APOBEC3D: variants seen among roughly 807,000 people sequenced by gnomAD.
APOBEC3D encodes apolipoprotein B mRNA editing enzyme catalytic subunit 3D.
APOBEC3D carries 37 observed loss-of-function variants against 45.6 expected under a neutral mutation model. The ratio of observed to expected loss-of-function variants is 0.81; its 90% CI spans 0.62 to 1.07. The LOEUF (loss-of-function observed/expected upper bound fraction) is 1.07. APOBEC3D is among the 50% of genes least tolerant of loss of function. The pLI, the probability that APOBEC3D is intolerant of heterozygous loss-of-function variation, is 0.00. For missense variants in APOBEC3D, 496 were observed against 495.3 expected (o/e 1.00, Z -0.01); for synonymous variants, 175 against 180.7 (o/e 0.97, Z 0.25).
At chr22:39,029,601 C>A in intron 5 of APOBEC3D, 82 bp downstream of exon 5, 1 of 1,528,436 alleles carries the variant, frequency 6.5e-7, no homozygotes, top group Non-Finnish European at 9.0e-7. Flanking sequence ...ACGTGCCCCG[C>A]GTGGGCTCTG....
Position 39,032,756 on chromosome 22 carries a change from CTAAT to C in APOBEC3D, c.*442_*445del, listed in dbSNP as rs1195736758. The C allele has an allele frequency of 5.7e-3, 1,076 of 187,444 alleles. 39 individuals are homozygous for C. The highest frequency in any genetic ancestry group is 0.03 in the African/African-American group (1,024 of 33,776). 11.6% of individuals were successfully genotyped at this position (187,444 alleles called of 1,614,324 possible). On this transcript the variant is annotated 3_prime_UTR_variant, in exon 7 of 7. Transcript: ENST00000216099. ...TACAGATGCCTGCCACCACGCCCAG[CTAAT>C]TTTTTTTTTTTTTTTTTTTTTTTTT...
intron 5 of APOBEC3D, among the ~76,000 whole-genome samples, chr22:39,030,635 A>C (rs1273854600): frequency 6.6e-6 from 1 of 151,974 alleles, no homozygotes; most frequent in Non-Finnish European, 1.5e-5. Context: ...TCAGAGCCCC[A>C]TTTCAAGTGC....
chr22:39,028,342 A>G (rs1925883225), intron 4 of APOBEC3D, among the ~76,000 whole-genome samples: 1 of 152,242 alleles, frequency 6.6e-6, no homozygotes, highest in Non-Finnish European at 1.5e-5. Context: ...GAGGCTGGAC[A>G]GGGCTGGCCT....
Position 39,025,309 on chromosome 22 carries a change from G to A in APOBEC3D, c.450G>A (p.Leu150=). Reference sequence around the variant, plus strand: ...ATTGGCGGTGGGTGCTCCTCAGGCTGCATAAGGCAGGGGCCCGTGTGAAGA... The same window carrying A: ...ATTGGCGGTGGGTGCTCCTCAGGCTACATAAGGCAGGGGCCCGTGTGAAGA... The part of the protein sequence containing the change: ...DRDWRWVLLR[L]HKAGARVKIM... Residue 150 remains leucine, a synonymous_variant, in exon 3 of 7, where the codon CTG becomes CTA. Transcript: ENST00000216099. 6.2e-7 allele frequency: 1 copy of A among 1,614,132 alleles called. No homozygotes were observed. Among genetic ancestry groups the A allele is most frequent in the Non-Finnish European group, 8.5e-7 (1 of 1,180,028 alleles).
Position 39,032,602 on chromosome 22 carries a change from T to A in APOBEC3D, c.*286T>A. The stretch of plus-strand genomic sequence containing the variant: ...GCATAACCAAATCTTTTTTTTTTTT[T>A]TTTTTTTTTGAGACGGAGTTTCACT... On this transcript the variant is annotated 3_prime_UTR_variant, in exon 7 of 7. Coordinates refer to ENST00000216099, the MANE Select transcript of APOBEC3D (RefSeq NM_152426.4). 9.0e-7 allele frequency: 1 copy of A among 1,113,414 alleles called. No individual in the cohort carries two copies. The highest frequency in any genetic ancestry group is 1.1e-6 in the Non-Finnish European group (1 of 911,852). The allele number at this position is 1,113,414 out of a possible 1,614,324, so 69.0% of individuals were successfully genotyped here. A position where few individuals can be genotyped will look rare whatever the true frequency, so the allele number is the denominator to read the frequency against.
rs981927089 is a variant in APOBEC3D, at chr22:39,033,141, G to A, written c.*825G>A. On this transcript the variant is annotated 3_prime_UTR_variant, in exon 7 of 7. Coordinates refer to ENST00000216099, the MANE Select transcript of APOBEC3D (RefSeq NM_152426.4). ...ATGAAGTGGGAGGACTGCTTGAGCC[G>A]GGGAGGTGGAGGCTGGAGTAAACTG... The A allele has an allele frequency of 4.1e-5, 16 of 388,652 alleles. No homozygotes were observed. The highest frequency in any genetic ancestry group is 1.6e-4 in the East Asian group (1 of 6,140). 24.1% of individuals were successfully genotyped at this position (388,652 alleles called of 1,614,324 possible).
Position 39,025,065 on chromosome 22 carries a change from C to T in APOBEC3D, c.211-5C>T, listed in dbSNP as rs1460570018. 3 of 1,386,722 alleles carry T rather than the reference C, an allele frequency of 2.2e-6. No individual in the cohort carries two copies. The Admixed American group carries it at 5.8e-5, about 27-fold the overall frequency. 85.9% of individuals were successfully genotyped at this position (1,386,722 alleles called of 1,614,324 possible). Reference sequence around the variant, plus strand: ...GAGCTTCCCCTGCCCCTGCTCCTCTCCCAGGTGTATTTCCGGTTTGAGAAC... The same window carrying T: ...GAGCTTCCCCTGCCCCTGCTCCTCTTCCAGGTGTATTTCCGGTTTGAGAAC... On this transcript the variant is annotated splice_polypyrimidine_tract_variant and splice_region_variant and intron_variant, in intron 2 of 6. Transcript: ENST00000216099.
intron 2 of APOBEC3D, 90 bp downstream of exon 2, chr22:39,023,104 T>TATTTATTTATTTATTTATTTA: frequency 1.6e-6 from 1 of 645,034 alleles, no homozygotes; most frequent in Non-Finnish European, 2.0e-6. Flanking sequence ...TTATTTATTT[T>TATTTATTTATTTATTTATTTA]TTCTATTTAT....
Position 39,030,471 on chromosome 22 carries a change from A to C in APOBEC3D, c.762+952A>C, listed in dbSNP as rs182360313. ...CTAAAAAGGCGATAAGAACTCGTGG[A>C]AGAAATTTTAGTGTCTGCATTAGCT... On this transcript the variant is annotated intron_variant, in intron 5 of 6. Transcript: ENST00000216099. Among the ~76,000 whole-genome samples the C allele has an allele frequency of 3.0e-3, 452 of 152,352 alleles. 10 individuals carry two copies. Among genetic ancestry groups the C allele is most frequent in the Non-Finnish European group, 9.4e-4 (64 of 68,040 alleles).
chr22:39,021,664 C>A, intron 1 of APOBEC3D, 128 bp downstream of exon 1: 1 of 1,315,256 alleles, frequency 7.6e-7, no homozygotes, highest in Non-Finnish European at 1.1e-6. Context: ...GGCTTCCCTG[C>A]CGCCCCCACT....
chr22:39,032,487 C>T lies in APOBEC3D; in HGVS notation c.*171C>T. The T allele has an allele frequency of 4.9e-6, 7 of 1,421,304 alleles. No homozygotes were observed. The highest frequency in any genetic ancestry group is 6.4e-6 in the Non-Finnish European group (7 of 1,092,578). The allele number at this position is 1,421,304 out of a possible 1,614,324, so 88.0% of individuals were successfully genotyped here. A position where few individuals can be genotyped will look rare whatever the true frequency, so the allele number is the denominator to read the frequency against. On this transcript the variant is annotated 3_prime_UTR_variant, in exon 7 of 7. Coordinates refer to ENST00000216099, the MANE Select transcript of APOBEC3D (RefSeq NM_152426.4). ...CCTCACCACCTCCTCCCCGCTCTCC[C>T]AGGCTCTTCTTGTAGAGGCTCTCCA... is the stretch of plus-strand genomic sequence containing the variant.
Sources: allele counts gnomAD v4.1 joint callset (sites outside exome capture counted in the v4.1 genomes callset), GRCh38; gene constraint gnomAD v4.1.1; transcripts MANE v1.5; gene names NCBI Gene and HGNC (gene_info 2026-07-23, HGNC 2026-07-21).